Variants in MRM3 observed in about 807,000 individuals in gnomAD.
MRM3 encodes the protein rRNA methyltransferase 3, mitochondrial.
In MRM3, 26 loss-of-function variants were observed where a neutral mutation model predicts 29.4. The observed-to-expected ratio is 0.89, with a 90% CI of 0.65 to 1.23. MRM3 has a LOEUF of 1.23. Among genes scored for constraint, MRM3 ranks in the 50% most tolerant of loss-of-function variants. The probability of loss-of-function intolerance (pLI) is 0.00; values close to 1 mark genes in which losing one functional copy is unlikely to be tolerated. For missense variants in MRM3, 578 were observed against 540.2 expected (o/e 1.07, Z -0.69); for synonymous variants, 225 against 219.0 (o/e 1.03, Z -0.24).
intron 3 of MRM3, chr17:790,609 C>G (rs1172001062): frequency 6.3e-6 from 1 of 158,094 alleles, no homozygotes; most frequent in Non-Finnish European, 1.4e-5. Flanking sequence ...GGCCGGCTCA[C>G]CCCCTGTGCC....
chr17:790,693 T>A (rs61595643), intron 3 of MRM3, among the ~76,000 whole-genome samples: 1 of 89,442 alleles, frequency 1.1e-5, no homozygotes, highest in Non-Finnish European at 2.0e-5. Context: ...CCAGCTCACC[T>A]CCTGTGCCAC....
intron 2 of MRM3, among the ~76,000 whole-genome samples, chr17:784,525 C>T (rs1400107099): frequency 1.3e-5 from 2 of 151,620 alleles, no homozygotes; most frequent in African/African-American, 4.8e-5. Context: ...CAGGTGTGCT[C>T]ACAGTGGCCA....
chr17:784,091 G>C (rs146470547), intron 2 of MRM3, among the ~76,000 whole-genome samples: 1 of 152,320 alleles, frequency 6.6e-6, no homozygotes, highest in Non-Finnish European at 1.5e-5. Flanking sequence ...TCCTTCATTT[G>C]GCTGAATCTG....
chr17:782,496 G>C lies in MRM3; in HGVS notation c.118G>C (p.Val40Leu), dbSNP rs763183820. 1.2e-6 allele frequency: 2 copies of C among 1,613,624 alleles called. No homozygotes were observed. Among genetic ancestry groups the C allele is most frequent in the Middle Eastern group, 1.7e-4 (1 of 6,060 alleles). ...GGCGCTGCGGCGGAGCCCAGTGAAA[G>C]TGGTGTTTCCTTCCGGAGAGGTGGT... ...VRALRRSPVK[V>L]VFPSGEVVEQ... The change falls in exon 1 of 4, where the codon GTG becomes CTG. Residue 40 changes from valine to leucine, a missense_variant. Transcript: ENST00000304478.
chr17:783,349 C>CTTTTTTTTT (rs35144249), intron 2 of MRM3, 22 bp downstream of exon 2: 1 of 1,223,794 alleles, frequency 8.2e-7, no homozygotes. Context: ...CCCAGTGTAT[C>CTTTTTTTTT]TTTTTTTTTT....
rs531045781 is a variant in MRM3, at chr17:787,374, G to A, written c.560-591G>A. On this transcript the variant is annotated intron_variant, in intron 2 of 3. Coordinates refer to ENST00000304478, the MANE Select transcript of MRM3 (RefSeq NM_018146.4). This position sits in a 1 kb window ranked among gnomAD's most constrained non-coding sequence, Gnocchi z 4.1. The stretch of plus-strand genomic sequence containing the variant: ...TACAGAATAATACAGAGTATGACAC[G>A]GAATGTAAAACACATTTACATATGG... Among the ~76,000 whole-genome samples, 7 of 152,180 alleles carry A rather than the reference G, an allele frequency of 4.6e-5. No homozygotes were observed. In the East Asian group the frequency reaches 7.7e-4, roughly 17 times the overall value.
At chr17:782,949 A>G (rs1270926135) in intron 1 of MRM3, 134 bp from the exon 2 acceptor site, 25 of 1,299,286 alleles carry the variant, frequency 1.9e-5, no homozygotes, top group East Asian at 1.4e-4. Flanking sequence ...CGGCCTCCCA[A>G]TGTGCTGGGA....
chr17:782,388 C>T lies in MRM3; in HGVS notation c.10C>T (p.Leu4=). The T allele has an allele frequency of 1.2e-6, 2 of 1,613,674 alleles. No individual in the cohort carries two copies. Among genetic ancestry groups the T allele is most frequent in the Non-Finnish European group, 8.5e-7 (1 of 1,179,872 alleles). Residue 4 remains leucine (L), a synonymous_variant, in exon 1 of 4, where the codon CTG becomes TTG. Coordinates refer to ENST00000304478, the MANE Select transcript of MRM3 (RefSeq NM_018146.4). ...CCGGGTCTCAGGGAACATGGCGGCG[C>T]TGGTGAGACCCGCGAGGTTTGTCGT... The part of the protein sequence containing the change: MAA[L]VRPARFVVRP...
rs1470307991 is a variant in MRM3 at position 792,137 on chromosome 17, C to T, written c.*68C>T. The T allele has an allele frequency of 1.4e-6, 2 of 1,470,940 alleles. No individual in the cohort carries two copies. Among genetic ancestry groups the T allele is most frequent in the African/African-American group, 1.4e-5 (1 of 71,118 alleles). The allele number at this position is 1,470,940 out of a possible 1,614,324, so 91.1% of individuals were successfully genotyped here. A position where few individuals can be genotyped will look rare whatever the true frequency, so the allele number is the denominator to read the frequency against. On this transcript the variant is annotated 3_prime_UTR_variant, in exon 4 of 4. Transcript: ENST00000304478. ...CCTACACCAGCACACTGGTGGGAGG[C>T]TGGCGGAGTCAGTGACTATGGCCCC...
At chr17:786,886 G>A (rs1440498301) in intron 2 of MRM3, among the ~76,000 whole-genome samples, 1 of 152,102 alleles carries the variant, frequency 6.6e-6, no homozygotes, top group Non-Finnish European at 1.5e-5. Flanking sequence ...TTGTAACAGG[G>A]AAAAATTCAA....
At position 782,668 on chromosome 17, in the gene MRM3, C is replaced by CT; in HGVS notation, c.292dup (p.Tyr98LeufsTer50). On this transcript the variant is annotated frameshift_variant, in exon 1 of 4. Transcript: ENST00000304478. LOFTEE classifies it high-confidence loss of function. ...GAGTCTGGGCTTCGCTACGATAAAGCTTATCCCGGGGACAGGAGGCTGAGG... is the reference window on the plus strand; with the variant it reads ...GAGTCTGGGCTTCGCTACGATAAAGCTTTATCCCGGGGACAGGAGGCTGAGG... The CT allele has an allele frequency of 6.2e-7, 1 of 1,606,976 alleles. No individual in the cohort carries two copies. Among genetic ancestry groups the CT allele is most frequent in the East Asian group, 2.2e-5 (1 of 44,658 alleles).
Position 783,247 on chromosome 17 carries a change from T to G in MRM3, c.479T>G (p.Leu160Arg), listed in dbSNP as rs1385915454. 1.9e-6 allele frequency: 3 copies of G among 1,614,064 alleles called. No individual in the cohort carries two copies. Among genetic ancestry groups the G allele is most frequent in the Non-Finnish European group, 2.5e-6 (3 of 1,180,004 alleles). The change falls in exon 2 of 4, where the codon CTG (leucine) becomes CGG (arginine). Residue 160 changes from leucine to arginine, a missense_variant. Leu to Arg is a moderately radical substitution (Grantham distance 102, BLOSUM62 -2). Coordinates refer to ENST00000304478, the MANE Select transcript of MRM3 (RefSeq NM_018146.4). The stretch of plus-strand genomic sequence containing the variant: ...CTAAAGGAGTTGCCAGTCGATAAGC[T>G]GAAAGGTGTCAGCCTCATTAAGGTG... ...EYLKELPVDK[L>R]KGVSLIKVKF...
Position 787,967 on chromosome 17 carries a change from A to AT in MRM3, c.567dup (p.Ala190CysfsTer4). 3.7e-6 allele frequency: 6 copies of AT among 1,613,350 alleles called. No homozygotes were observed. Among genetic ancestry groups the AT allele is most frequent in the Non-Finnish European group, 5.1e-6 (6 of 1,179,980 alleles). ...AACCACCTGTTTTGTTTCCTCAGGGATTTTTGCCAAGCCTGACCATGTTAA... is the reference window on the plus strand; with the variant it reads ...AACCACCTGTTTTGTTTCCTCAGGGATTTTTTGCCAAGCCTGACCATGTTAA... On this transcript the variant is annotated frameshift_variant, in exon 3 of 4. Transcript: ENST00000304478. LOFTEE classifies it high-confidence loss of function. The surrounding 1 kb of genome is among the most constrained non-coding windows in gnomAD (Gnocchi z 4.1).
Position 787,839 on chromosome 17 carries a change from A to T in MRM3, c.560-126A>T. 1 of 996,186 alleles carries T rather than the reference A, an allele frequency of 1.0e-6. No individual in the cohort carries two copies. Among genetic ancestry groups the T allele is most frequent in the Middle Eastern group, 3.3e-4 (1 of 3,042 alleles). 61.7% of individuals were successfully genotyped at this position (996,186 alleles called of 1,614,324 possible). On this transcript the variant is annotated intron_variant, in intron 2 of 3. Coordinates refer to ENST00000304478, the MANE Select transcript of MRM3 (RefSeq NM_018146.4). The surrounding 1 kb of genome is among the most constrained non-coding windows in gnomAD (Gnocchi z 4.1). Reference sequence around the variant, plus strand: ...GTTGGGATTACAGGCATGAGCCAGTACACCTGGCCTGTATTCCTGTATTTT... The same window carrying T: ...GTTGGGATTACAGGCATGAGCCAGTTCACCTGGCCTGTATTCCTGTATTTT...
At chr17:782,921 C>G (rs1379304374) in intron 1 of MRM3, among the ~76,000 whole-genome samples, 162 bp from the exon 2 acceptor site, 2 of 152,226 alleles carry the variant, frequency 1.3e-5, no homozygotes. Flanking sequence ...CTCCTGACCT[C>G]AGGTGATCCG....
chr17:789,279 A>AT (rs1910687208), intron 3 of MRM3, among the ~76,000 whole-genome samples: 1 of 152,198 alleles, frequency 6.6e-6, no homozygotes, highest in Non-Finnish European at 1.5e-5. Context: ...TATATGAGCC[A>AT]CTCCTGAGTC....
Position 782,579 on chromosome 17 carries a change from C to T in MRM3, c.201C>T (p.Ala67=), listed in dbSNP as rs201867527. Residue 67 remains alanine (A), a synonymous_variant, in exon 1 of 4, where the codon GCC becomes GCT. Coordinates refer to ENST00000304478, the MANE Select transcript of MRM3 (RefSeq NM_018146.4). ...QPRKAPSEAS[A]QEQREKQPLE... ...GCAAGGCACCATCTGAGGCCAGTGC[C>T]CAGGAGCAACGAGAGAAACAACCGC... 1.2e-6 allele frequency: 2 copies of T among 1,614,070 alleles called. No individual in the cohort carries two copies. The highest frequency in any genetic ancestry group is 4.5e-5 in the East Asian group (2 of 44,878).
Position 792,212 on chromosome 17 carries a change from A to G in MRM3, c.*143A>G. 1 of 783,470 alleles carries G rather than the reference A, an allele frequency of 1.3e-6. No homozygotes were observed. The highest frequency in any genetic ancestry group is 2.8e-5 in the East Asian group (1 of 35,922). 48.5% of individuals were successfully genotyped at this position (783,470 alleles called of 1,614,324 possible). ...CCGTCATACAGTTACAGGAAAAATA[A>G]GAACTTCCTCAGAAAGAACAGGTCC... On this transcript the variant is annotated 3_prime_UTR_variant, in exon 4 of 4. Coordinates refer to ENST00000304478, the MANE Select transcript of MRM3 (RefSeq NM_018146.4).
In MRM3 at chr17:782,454, G is replaced by A. The variant is rs750161405; in HGVS notation, c.76G>A (p.Ala26Thr). 6.2e-7 allele frequency: 1 copy of A among 1,613,820 alleles called. No individual in the cohort carries two copies. Among genetic ancestry groups the A allele is most frequent in the Non-Finnish European group, 8.5e-7 (1 of 1,179,932 alleles). Residue 26 changes from alanine to threonine, a missense_variant, in exon 1 of 4, where the codon GCG becomes ACG. Transcript: ENST00000304478. Reference protein sequence around the residue: ...LQVVQAWDLDARRWVRALRRS... With the variant: ...LQVVQAWDLDTRRWVRALRRS... ...GGTGGTCCAGGCTTGGGACCTTGACGCGAGGCGCTGGGTCCGGGCGCTGCG... is the reference window on the plus strand; with the variant it reads ...GGTGGTCCAGGCTTGGGACCTTGACACGAGGCGCTGGGTCCGGGCGCTGCG...
Sources: gnomAD v4.1 joint callset for allele counts (sites outside exome capture counted in the v4.1 genomes callset) on GRCh38, gnomAD v4.1.1 for gene constraint, Gnocchi (gnomAD v3.1) non-coding constraint, MANE v1.5 for transcripts, NCBI Gene and HGNC (gene_info 2026-07-23, HGNC 2026-07-21) for gene names.